LAMTOR1: variants seen among roughly 807,000 people sequenced by gnomAD.
LAMTOR1 encodes the protein late endosomal/lysosomal adaptor, MAPK and MTOR activator 1, also known as ragulator complex protein LAMTOR1.
A neutral mutation model predicts 20.5 loss-of-function variants in LAMTOR1; 8 were observed. That is an observed-to-expected ratio of 0.39 (90% CI 0.23 to 0.70). LAMTOR1 has a LOEUF of 0.70. Ranked by LOEUF, LAMTOR1 falls within the 30% of genes least tolerant of loss-of-function variation. The pLI, the probability that LAMTOR1 is intolerant of heterozygous loss-of-function variation, is 0.43. For synonymous variants in LAMTOR1, 77 were observed against 80.9 expected (o/e 0.95, Z 0.26); for missense variants, 135 against 206.2 (o/e 0.65, Z 2.11).
chr11:72,103,147 G>C (rs1176696133), intron 1 of LAMTOR1, 36 bp downstream of exon 1: 5 of 1,573,948 alleles, frequency 3.2e-6, no homozygotes, highest in African/African-American at 1.4e-5. Context: ...CAGTGTCTTA[G>C]CCCTCATTCC....
Position 72,099,104 on chromosome 11 carries a change from C to T in LAMTOR1, c.188+7G>A, listed in dbSNP as rs746037704. ...CTCTGACCCAGGCCTGGTCCTCTGA[C>T]ACTTACCTGGCTGTCTTGGCAAGGA... On this transcript the variant is annotated splice_region_variant and intron_variant, in intron 2 of 4. Coordinates refer to ENST00000278671, the MANE Select transcript of LAMTOR1 (RefSeq NM_017907.3). 6 of 1,610,850 alleles carry T rather than the reference C, an allele frequency of 3.7e-6. No individual in the cohort carries two copies. The highest frequency in any genetic ancestry group is 1.1e-5 in the South Asian group (1 of 88,828).
chr11:72,102,473 C>A (rs1484580023), intron 1 of LAMTOR1, among the ~76,000 whole-genome samples: 1 of 152,226 alleles, frequency 6.6e-6, no homozygotes, highest in Non-Finnish European at 1.5e-5. Flanking sequence ...TCAGAATAGG[C>A]ATGTCTCCAG....
At chr11:72,102,031 AAT>A (rs1223891299) in intron 1 of LAMTOR1, among the ~76,000 whole-genome samples, 1 of 152,190 alleles carries the variant, frequency 6.6e-6, no homozygotes, top group Non-Finnish European at 1.5e-5. Flanking sequence ...GGGCAAAGGA[AAT>A]ATGTGTTCAT....
chr11:72,098,597 A>G (rs1945322469), intron 3 of LAMTOR1, 182 bp from the exon 4 acceptor site: 1 of 842,780 alleles, frequency 1.2e-6, no homozygotes, highest in East Asian at 2.7e-5. Context: ...AGCGCCCTCA[A>G]GAGTGTCACA....
chr11:72,098,220 G>A (rs1470444858), intron 4 of LAMTOR1, 69 bp downstream of exon 4: 1 of 1,589,632 alleles, frequency 6.3e-7, no homozygotes, highest in Non-Finnish European at 8.6e-7. Flanking sequence ...GAGGCAGAGT[G>A]GGTGAACCCT....
chr11:72,098,595 CAA>C, intron 3 of LAMTOR1, 180 bp from the exon 4 acceptor site: 4 of 855,804 alleles, frequency 4.7e-6, no homozygotes, highest in South Asian at 1.8e-5. Flanking sequence ...TCAGCGCCCT[CAA>C]GAGTGTCACA....
At chr11:72,102,375 C>T (rs891710675) in intron 1 of LAMTOR1, among the ~76,000 whole-genome samples, 1 of 152,134 alleles carries the variant, frequency 6.6e-6, no homozygotes, top group Non-Finnish European at 1.5e-5. Context: ...AGTGAGAATG[C>T]ACTAAGAGGA....
chr11:72,102,538 A>ATGAG (rs1172391711), intron 1 of LAMTOR1, among the ~76,000 whole-genome samples: 4 of 152,236 alleles, frequency 2.6e-5, no homozygotes, highest in African/African-American at 9.6e-5. Flanking sequence ...CAAACTCAGA[A>ATGAG]CCAAATGAAC....
intron 1 of LAMTOR1, among the ~76,000 whole-genome samples, chr11:72,102,326 T>C (rs921600630): frequency 5.3e-5 from 8 of 152,216 alleles, no homozygotes; most frequent in Admixed American, 2.6e-4. Flanking sequence ...CATCCTTGAA[T>C]GTCAGGCCAG....
At chr11:72,102,774 TCTCAGGACAGACTAA>T (rs1945491289) in intron 1 of LAMTOR1, among the ~76,000 whole-genome samples, 1 of 152,198 alleles carries the variant, frequency 6.6e-6, no homozygotes, top group African/African-American at 2.4e-5. Context: ...TCCTGATTCA[TCTCAGGACAGACTAA>T]CTCAGGGCCT....
At chr11:72,098,031 G>A in intron 4 of LAMTOR1, 117 bp from the exon 5 acceptor site, 1 of 1,295,236 alleles carries the variant, frequency 7.7e-7, no homozygotes, top group South Asian at 1.5e-5. Context: ...AGGGGAACAG[G>A]AAGGCAAAGA....
intron 1 of LAMTOR1, among the ~76,000 whole-genome samples, chr11:72,102,497 C>G (rs1346587362): frequency 1.3e-5 from 2 of 152,246 alleles, no homozygotes; most frequent in African/African-American, 2.4e-5. Context: ...AAGGAACCCT[C>G]AGGCCCCAGG....
At chr11:72,103,091 G>C (rs1410776478) in intron 1 of LAMTOR1, 92 bp downstream of exon 1, 2 of 1,483,982 alleles carry the variant, frequency 1.3e-6, no homozygotes, top group East Asian at 2.5e-5. Flanking sequence ...GAGCCCTGCA[G>C]TCCGGCTGCC....
intron 4 of LAMTOR1, 173 bp downstream of exon 4, chr11:72,098,116 A>G: frequency 9.9e-7 from 1 of 1,012,042 alleles, no homozygotes; most frequent in Non-Finnish European, 1.4e-6. Context: ...GGAAGGAGAT[A>G]GGAAAGACAT....
Position 72,097,770 on chromosome 11 carries a change from GGGGTAGAGAT to G in LAMTOR1, c.*42_*51del. ...CAGTGAGGCTGGGGGCCAAGGGGGT[GGGGTAGAGAT>G]GGGATGAAGAGAGGAGAAGAGCTGT... On this transcript the variant is annotated 3_prime_UTR_variant, in exon 5 of 5. Transcript: ENST00000278671. 1 of 1,613,666 alleles carries G rather than the reference GGGGTAGAGAT, an allele frequency of 6.2e-7. No individual in the cohort carries two copies.
At position 72,103,292 on chromosome 11, in the gene LAMTOR1, T is replaced by A; in HGVS notation, c.-68A>T. On this transcript the variant is annotated 5_prime_UTR_variant, in exon 1 of 5. An upstream open reading frame in the 5' UTR loses its in-frame stop. Coordinates refer to ENST00000278671, the MANE Select transcript of LAMTOR1 (RefSeq NM_017907.3). ...CGGCGTCCGTGAGGAGCCCTTCCGGTCACATGACCCGCGGCGGCCTCCCGC... is the reference window on the plus strand; with the variant it reads ...CGGCGTCCGTGAGGAGCCCTTCCGGACACATGACCCGCGGCGGCCTCCCGC... 1.3e-6 allele frequency: 2 copies of A among 1,522,396 alleles called. No homozygotes were observed. Among genetic ancestry groups the A allele is most frequent in the Non-Finnish European group, 1.8e-6 (2 of 1,134,188 alleles). 94.3% of individuals were successfully genotyped at this position (1,522,396 alleles called of 1,614,324 possible). A position where few individuals can be genotyped will look rare whatever the true frequency, so the allele number is the denominator to read the frequency against.
Position 72,097,743 on chromosome 11 carries a change from C to T in LAMTOR1, c.*79G>A, listed in dbSNP as rs938871947. On this transcript the variant is annotated 3_prime_UTR_variant, in exon 5 of 5. Transcript: ENST00000278671. ...TAGCAGGTTAGGGTACTGTATAAGC[C>T]GCAGTGAGGCTGGGGGCCAAGGGGG... 2.7e-4 allele frequency: 441 copies of T among 1,611,148 alleles called. No individual in the cohort carries two copies. The highest frequency in any genetic ancestry group is 2.9e-4 in the Non-Finnish European group (342 of 1,179,166).
rs1165310372 is a variant in LAMTOR1, at chr11:72,103,204, G to A, written c.21C>T (p.Ser7=). MGCCYS[S]ENEDSDQDRE... ...GCACCTGGTCCGAGTCCTCGTTCTC[G>A]CTGCTGTAGCAGCACCCCATGGCCG... The change falls in exon 1 of 5, where the codon AGC becomes AGT. Residue 7 remains serine, a synonymous_variant. Transcript: ENST00000278671. 1 of 1,580,034 alleles carries A rather than the reference G, an allele frequency of 6.3e-7. No individual in the cohort carries two copies. The highest frequency in any genetic ancestry group is 8.6e-7 in the Non-Finnish European group (1 of 1,162,794).
Position 72,099,259 on chromosome 11 carries a change from A to G in LAMTOR1, c.43-3T>C. On this transcript the variant is annotated splice_polypyrimidine_tract_variant and splice_region_variant and intron_variant, in intron 1 of 4. Coordinates refer to ENST00000278671, the MANE Select transcript of LAMTOR1 (RefSeq NM_017907.3). ...AGCAGCTTCCGCTCCTCTCGGTCCT[A>G]GAAGTGGTCATGGGAGAGAAGTCAG... is the stretch of plus-strand genomic sequence containing the variant. 2 of 1,553,568 alleles carry G rather than the reference A, an allele frequency of 1.3e-6. No individual in the cohort carries two copies. Among genetic ancestry groups the G allele is most frequent in the South Asian group, 2.5e-5 (2 of 80,952 alleles).
Sources: allele counts gnomAD v4.1 joint callset (sites outside exome capture counted in the v4.1 genomes callset), GRCh38; gene constraint gnomAD v4.1.1; transcripts MANE v1.5; gene names NCBI Gene and HGNC (gene_info 2026-07-23, HGNC 2026-07-21).